Variants in SEPTIN14 observed in about 807,000 individuals in gnomAD.
SEPTIN14 encodes the protein septin-14.
SEPTIN14 carries 40 observed loss-of-function variants against 53.6 expected under a neutral mutation model. The observed-to-expected ratio is 0.75, with a 90% CI of 0.58 to 0.97. The LOEUF (loss-of-function observed/expected upper bound fraction) is 0.97. Among genes scored for constraint, SEPTIN14 ranks in the 50% least tolerant of loss-of-function variants. The pLI is 0.00. For synonymous variants in SEPTIN14, 138 were observed against 166.8 expected, an observed-to-expected ratio of 0.83 and a Z score of 1.33; for missense variants, 471 against 508.2, an observed-to-expected ratio of 0.93 and a Z score of 0.70.
intron 9 of SEPTIN14, chr7:55,798,330 C>A (rs946700457): frequency 6.6e-6 from 2 of 305,002 alleles, no homozygotes; most frequent in Non-Finnish European, 1.2e-5. Flanking sequence ...CCCTGAAAGC[C>A]CAGGGCCCAG....
chr7:55,808,962 G>A (rs531567789), intron 7 of SEPTIN14, among the ~76,000 whole-genome samples: 2 of 152,092 alleles, frequency 1.3e-5, no homozygotes, highest in Admixed American at 6.6e-5. Context: ...ACACAGGCAC[G>A]TGTATGTTCA....
intron 7 of SEPTIN14, chr7:55,810,736 C>T (rs1244906754): frequency 6.1e-6 from 1 of 163,010 alleles, no homozygotes; most frequent in Admixed American, 6.4e-5. Flanking sequence ...CCTCAGCCTC[C>T]CAAAGTGCTG....
intron 6 of SEPTIN14, among the ~76,000 whole-genome samples, chr7:55,833,736 C>T (rs1239905545): frequency 6.7e-6 from 1 of 150,130 alleles, no homozygotes; most frequent in Non-Finnish European, 1.5e-5. Flanking sequence ...AAAAATTAAT[C>T]AATGAAGCTA....
At chr7:55,853,074 C>T (rs71543763) in intron 2 of SEPTIN14, among the ~76,000 whole-genome samples, 1 of 152,168 alleles carries the variant, frequency 6.6e-6, no homozygotes, top group African/African-American at 2.4e-5. Context: ...AAAGAGAACC[C>T]TCTTACACTG....
intron 6 of SEPTIN14, among the ~76,000 whole-genome samples, chr7:55,830,586 G>A (rs1022857333): frequency 3.3e-5 from 5 of 150,102 alleles, no homozygotes; most frequent in African/African-American, 9.7e-5. Context: ...CTCATGATCC[G>A]CCCGCCTTGG....
intron 8 of SEPTIN14, among the ~76,000 whole-genome samples, chr7:55,806,328 G>T (rs1206735821): frequency 7.3e-5 from 11 of 151,520 alleles, no homozygotes; most frequent in Non-Finnish European, 1.3e-4. Flanking sequence ...GCAAACACCT[G>T]CTCTCAAACT....
intron 7 of SEPTIN14, chr7:55,811,349 G>A (rs901371873): frequency 2.8e-5 from 14 of 504,680 alleles, no homozygotes; most frequent in African/African-American, 7.8e-5. Flanking sequence ...GAAAGGAGGC[G>A]AGCTTCCACC....
At chr7:55,836,866 G>T (rs970032902) in intron 5 of SEPTIN14, among the ~76,000 whole-genome samples, 1 of 152,140 alleles carries the variant, frequency 6.6e-6, no homozygotes, top group African/African-American at 2.4e-5. Context: ...TGACATCTGA[G>T]ATTAAGTACA....
chr7:55,799,756 A>G (rs879696937), intron 9 of SEPTIN14, among the ~76,000 whole-genome samples: 5 of 152,118 alleles, frequency 3.3e-5, no homozygotes, highest in Non-Finnish European at 7.4e-5. Flanking sequence ...ATTAACAGAA[A>G]TGAAGGAAGA....
intron 7 of SEPTIN14, among the ~76,000 whole-genome samples, chr7:55,816,313 A>G: frequency 6.6e-6 from 1 of 152,176 alleles, no homozygotes; most frequent in Non-Finnish European, 1.5e-5. Flanking sequence ...ACAGTCAACA[A>G]TAATTTATTG....
chr7:55,795,905 A>G lies in SEPTIN14; in HGVS notation c.*8T>C. On this transcript the variant is annotated 3_prime_UTR_variant, in exon 10 of 10. Transcript: ENST00000388975. ...ATGATAGGGCTCTCAGAATAGTAAG[A>G]GAAACTATTATTTCTTACGATGTTT... 1 of 1,577,924 alleles carries G rather than the reference A, an allele frequency of 6.3e-7. No homozygotes were observed. Among genetic ancestry groups the G allele is most frequent in the Non-Finnish European group, 8.6e-7 (1 of 1,163,274 alleles).
At chr7:55,819,445 C>T (rs11767417) in intron 6 of SEPTIN14, among the ~76,000 whole-genome samples, 31,121 of 151,752 alleles carry the variant, frequency 0.21, 4,177 homozygotes, top group East Asian at 0.43. Flanking sequence ...AAAAATTAGC[C>T]GGGCATGGTG....
intron 5 of SEPTIN14, among the ~76,000 whole-genome samples, chr7:55,841,081 G>A (rs984727640): frequency 2.0e-5 from 3 of 152,028 alleles, no homozygotes; most frequent in African/African-American, 7.2e-5. Flanking sequence ...CTAATTTTCT[G>A]TATTTTTAGT....
At chr7:55,858,073 C>T (rs1450127553) in intron 2 of SEPTIN14, among the ~76,000 whole-genome samples, 1 of 152,192 alleles carries the variant, frequency 6.6e-6, no homozygotes, top group Non-Finnish European at 1.5e-5. Flanking sequence ...CAACTTTCTC[C>T]TCTACAGAAT....
At chr7:55,845,569 G>A (rs1015604297) in intron 3 of SEPTIN14, among the ~76,000 whole-genome samples, 1 of 152,110 alleles carries the variant, frequency 6.6e-6, no homozygotes, top group East Asian at 1.9e-4. Flanking sequence ...ATAAAAAAAT[G>A]ATAAGTAAAC....
At chr7:55,862,415 A>G (rs1431807545) in intron 1 of SEPTIN14, among the ~76,000 whole-genome samples, 2 of 152,214 alleles carry the variant, frequency 1.3e-5, no homozygotes, top group Admixed American at 6.5e-5. Context: ...TTTCCAGAGT[A>G]GCATACCAGA....
chr7:55,821,964 C>T (rs930595543), intron 6 of SEPTIN14, among the ~76,000 whole-genome samples: 2 of 152,092 alleles, frequency 1.3e-5, no homozygotes, highest in Non-Finnish European at 2.9e-5. Context: ...AAGGCACTTC[C>T]TACATGGCAG....
At chr7:55,811,662 T>C in intron 7 of SEPTIN14, among the ~76,000 whole-genome samples, 1 of 150,598 alleles carries the variant, frequency 6.6e-6, no homozygotes, top group East Asian at 2.0e-4. Context: ...CCACCACGCC[T>C]GGTTTTTCTG....
At chr7:55,847,230 A>G (rs1001345859) in intron 2 of SEPTIN14, among the ~76,000 whole-genome samples, 1 of 152,114 alleles carries the variant, frequency 6.6e-6, no homozygotes, top group Non-Finnish European at 1.5e-5. Context: ...AATTAATTAA[A>G]TAGGGAATTA....
Sources: allele counts gnomAD v4.1 joint callset (sites outside exome capture counted in the v4.1 genomes callset), GRCh38; gene constraint gnomAD v4.1.1; transcripts MANE v1.5; gene names NCBI Gene and HGNC (gene_info 2026-07-23, HGNC 2026-07-21).